Variants in VIRMA observed in about 807,000 individuals in gnomAD.
VIRMA encodes the protein vir like m6A methyltransferase associated.
A neutral mutation model predicts 182.4 loss-of-function variants in VIRMA; 65 were observed. The observed-to-expected ratio is 0.36, with a 90% CI of 0.29 to 0.44. VIRMA has a LOEUF of 0.44. Ranked by LOEUF, VIRMA falls within the 20% of genes least tolerant of loss-of-function variation. The pLI, the probability that VIRMA is intolerant of heterozygous loss-of-function variation, is 1.00. For synonymous variants in VIRMA, 709 were observed against 743.1 expected (o/e 0.95, Z 0.75); for missense variants, 1,752 against 2,158.1 (o/e 0.81, Z 3.73).
chr8:94,509,892 C>A lies in VIRMA; in HGVS notation c.3675G>T (p.Leu1225Phe), dbSNP rs1233144752. The A allele has an allele frequency of 1.9e-6, 3 of 1,613,778 alleles. No individual in the cohort carries two copies. The highest frequency in any genetic ancestry group is 2.7e-5 in the African/African-American group (2 of 74,912). ...AAGCCAGAGCATCAAGAAGAGCAAG[C>A]AACCTGGTGGTTTGGCTAGTATACT... ...EKQYTSQTTR[L>F]LALLDALASH... The change falls in exon 15 of 24, where the codon TTG (leucine) becomes TTT (phenylalanine). Residue 1225 changes from leucine (L) to phenylalanine (F), a missense_variant. By Grantham distance (22) the Leu-to-Phe change is conservative (BLOSUM62 0). Around this residue, in one of 11 missense-constraint regions of VIRMA, gnomAD observed 777 missense variants for 920.6 expected, o/e 0.84. Transcript: ENST00000297591.
At chr8:94,531,117 T>C (rs1353932266) in intron 5 of VIRMA, 32 bp from the exon 6 acceptor site, 1 of 1,503,320 alleles carries the variant, frequency 6.7e-7, no homozygotes, top group Non-Finnish European at 8.9e-7. Context: ...AAAAAGAACT[T>C]TCAAATTACA....
chr8:94,538,158 T>A (rs1308180025), intron 3 of VIRMA, 102 bp downstream of exon 3: 11 of 795,894 alleles, frequency 1.4e-5, no homozygotes, highest in East Asian at 1.2e-4. Context: ...TGTTCTTGGG[T>A]CTACCAGCAG....
intron 16 of VIRMA, among the ~76,000 whole-genome samples, chr8:94,506,069 G>C (rs574715120): frequency 1.8e-4 from 27 of 152,238 alleles, no homozygotes; most frequent in African/African-American, 6.0e-4. Context: ...TTATATAATG[G>C]ACTTGAGCAT....
Position 94,509,904 on chromosome 8 carries a change from T to C in VIRMA, c.3663A>G (p.Gln1221=), listed in dbSNP as rs747927463. The C allele has an allele frequency of 7.4e-6, 12 of 1,613,104 alleles. No individual in the cohort carries two copies. Among genetic ancestry groups the C allele is most frequent in the African/African-American group, 1.3e-5 (1 of 74,830 alleles). ...CAAGAAGAGCAAGCAACCTGGTGGT[T>C]TGGCTAGTATACTGTTTTTCTTTAT... is the stretch of plus-strand genomic sequence containing the variant. The part of the protein sequence containing the change: ...SEDKEKQYTS[Q]TTRLLALLDA... The change falls in exon 15 of 24, where the codon CAA becomes CAG. Residue 1221 remains glutamine, a synonymous_variant. Coordinates refer to ENST00000297591, the MANE Select transcript of VIRMA (RefSeq NM_015496.5).
intron 8 of VIRMA, among the ~76,000 whole-genome samples, chr8:94,523,687 G>T (rs567880098): frequency 8.5e-5 from 13 of 152,176 alleles, no homozygotes; most frequent in African/African-American, 3.1e-4. Flanking sequence ...GGAGTGCAGT[G>T]GCACGATCTC....
intron 21 of VIRMA, among the ~76,000 whole-genome samples, chr8:94,492,449 A>G (rs888656359): frequency 5.3e-5 from 8 of 151,614 alleles, no homozygotes; most frequent in East Asian, 1.9e-4. Flanking sequence ...ACGACCAGCT[A>G]ATTTTTTTTT....
At position 94,510,510 on chromosome 8, in the gene VIRMA, C is replaced by A. The variant is rs749189927; in HGVS notation, c.3533G>T (p.Arg1178Leu). Residue 1178 changes from arginine (R) to leucine (L), a missense_variant, in exon 14 of 24, where the codon CGG becomes CTG. Coordinates refer to ENST00000297591, the MANE Select transcript of VIRMA (RefSeq NM_015496.5). Reference sequence around the variant, plus strand: ...GTCACACAATTGAACACAAATACGCCGTAACATATGTTGAATGGGCTGGCA... The same window carrying A: ...GTCACACAATTGAACACAAATACGCAGTAACATATGTTGAATGGGCTGGCA... ...TTCQPIQHML[R>L]RICVQLCDLA... The A allele has an allele frequency of 6.2e-7, 1 of 1,614,056 alleles. No individual in the cohort carries two copies. Among genetic ancestry groups the A allele is most frequent in the South Asian group, 1.1e-5 (1 of 91,068 alleles).
rs763006732 is a variant in VIRMA, at chr8:94,494,948, T to A, written c.4553A>T (p.Tyr1518Phe). Residue 1518 changes from tyrosine (Y) to phenylalanine (F), a missense_variant, in exon 20 of 24, where the codon TAT (tyrosine) becomes TTT (phenylalanine). Transcript: ENST00000297591. ...ATCATCCATGACATCAGCAAGCACA[T>A]AGGCAGTCCTGGAACAAGAAAAGTA... Reference protein sequence around the residue: ...LQNLFNNRTAYVLADVMDDQL... With the variant: ...LQNLFNNRTAFVLADVMDDQL... 5 of 1,599,942 alleles carry A rather than the reference T, an allele frequency of 3.1e-6. No individual in the cohort carries two copies. In the East Asian group the frequency reaches 6.7e-5, roughly 21 times the overall value.
chr8:94,521,042 CT>C (rs11355130), intron 8 of VIRMA, among the ~76,000 whole-genome samples: 115,940 of 149,662 alleles, frequency 0.77, 44,976 homozygotes, highest in East Asian at 0.93. Flanking sequence ...TTTTTTATCT[CT>C]TTTTTTTTTT....
chr8:94,499,345 T>C (rs1295016259), intron 17 of VIRMA, 29 bp downstream of exon 17: 8 of 1,465,602 alleles, frequency 5.5e-6, no homozygotes, highest in Non-Finnish European at 7.4e-6. Context: ...CATACATATA[T>C]ACACAAACAC....
At chr8:94,536,802 AC>A (rs1206466913) in intron 4 of VIRMA, among the ~76,000 whole-genome samples, 1 of 151,998 alleles carries the variant, frequency 6.6e-6, no homozygotes, top group Non-Finnish European at 1.5e-5. Context: ...ATACGGTGAA[AC>A]CCCGTCCCTA....
intron 2 of VIRMA, among the ~76,000 whole-genome samples, chr8:94,540,927 T>C (rs894132526): frequency 6.6e-6 from 1 of 152,090 alleles, no homozygotes; most frequent in Admixed American, 6.6e-5. Flanking sequence ...CACTAGCCAG[T>C]TATCTTACAA....
chr8:94,540,406 T>C (rs1176860093), intron 2 of VIRMA, among the ~76,000 whole-genome samples: 1 of 151,788 alleles, frequency 6.6e-6, no homozygotes, highest in African/African-American at 2.4e-5. Context: ...TTCAATCATA[T>C]GCACCCAACA....
At chr8:94,546,379 T>C (rs1313529480) in intron 1 of VIRMA, among the ~76,000 whole-genome samples, 1 of 150,998 alleles carries the variant, frequency 6.6e-6, no homozygotes, top group African/African-American at 2.5e-5. Context: ...CCCAAGACAT[T>C]ATTATCCTGG....
In VIRMA at chr8:94,529,166, C is replaced by A. The variant is rs1382806461; in HGVS notation, c.784G>T (p.Asp262Tyr). The A allele has an allele frequency of 1.4e-6, 2 of 1,403,082 alleles. No individual in the cohort carries two copies. Among genetic ancestry groups the A allele is most frequent in the Admixed American group, 3.4e-5 (2 of 59,634 alleles). 86.9% of individuals were successfully genotyped at this position (1,403,082 alleles called of 1,614,324 possible). Residue 262 changes from aspartate (D) to tyrosine (Y), a missense_variant, in exon 7 of 24, where the codon GAT (aspartate) becomes TAT (tyrosine). Asp to Tyr is a radical substitution (Grantham distance 160). This residue lies in a region of VIRMA where 114 missense variants were observed against 106.9 expected (regional missense o/e 1.07). Transcript: ENST00000297591. ...GTTCGTCGATCATCCTCATCCTCATCCTCTTCTTCCTCTACATCCACATCA... is the reference window on the plus strand; with the variant it reads ...GTTCGTCGATCATCCTCATCCTCATACTCTTCTTCCTCTACATCCACATCA... The part of the protein sequence containing the change: ...EDDVDVEEEE[D>Y]EDEDDRRTVD...
At chr8:94,506,411 C>A (rs1814155299) in intron 16 of VIRMA, 89 bp downstream of exon 16, 4 of 799,334 alleles carry the variant, frequency 5.0e-6, no homozygotes, top group South Asian at 2.0e-5. Context: ...CAACTTTCTA[C>A]AATAGGTATG....
At chr8:94,539,572 T>C (rs1324074680) in intron 2 of VIRMA, among the ~76,000 whole-genome samples, 1 of 152,234 alleles carries the variant, frequency 6.6e-6, no homozygotes, top group Non-Finnish European at 1.5e-5. Flanking sequence ...ATAACTATAA[T>C]GTCTAGAGTA....
At chr8:94,541,488 A>C (rs1465337815) in intron 2 of VIRMA, among the ~76,000 whole-genome samples, 1 of 152,172 alleles carries the variant, frequency 6.6e-6, no homozygotes, top group Non-Finnish European at 1.5e-5. Flanking sequence ...GTATGCCCAC[A>C]AATATCACTT....
intron 1 of VIRMA, among the ~76,000 whole-genome samples, chr8:94,546,123 A>T (rs1815753012): frequency 6.6e-6 from 1 of 151,020 alleles, no homozygotes; most frequent in Non-Finnish European, 1.5e-5. Flanking sequence ...AAATAGCAAA[A>T]CAGGGGAGGA....
Sources: gnomAD v4.1 joint callset for allele counts (sites outside exome capture counted in the v4.1 genomes callset) on GRCh38, gnomAD v4.1.1 for gene constraint, gnomAD v4.1.1 regional missense constraint, MANE v1.5 for transcripts, NCBI Gene and HGNC (gene_info 2026-07-23, HGNC 2026-07-21) for gene names.